Variants in NSD1 observed in about 807,000 individuals in gnomAD.
The protein encoded by NSD1 is histone-lysine N-methyltransferase, H3 lysine-36 specific.
In NSD1, 26 loss-of-function variants were observed where a neutral mutation model predicts 242.7. The ratio of observed to expected loss-of-function variants is 0.11; its 90% CI spans 0.08 to 0.15. The LOEUF (loss-of-function observed/expected upper bound fraction) is 0.15. NSD1 is among the 10% of genes least tolerant of loss of function. The probability of loss-of-function intolerance (pLI) is 1.00; values close to 1 mark genes in which losing one functional copy is unlikely to be tolerated. For missense variants in NSD1, 2,495 were observed against 3,272.8 expected (o/e 0.76, Z 5.80); for synonymous variants, 1,106 against 1,178.1 (o/e 0.94, Z 1.25).
rs1760207336 is a variant in NSD1, at chr5:177,295,582, T to C, written c.*123T>C. On this transcript the variant is annotated 3_prime_UTR_variant, in exon 23 of 23. Coordinates refer to ENST00000439151, the MANE Select transcript of NSD1 (RefSeq NM_022455.5). The surrounding 1 kb of genome is among the most constrained non-coding windows in gnomAD (Gnocchi z 4.3). ...TGCCCCGAACACTTTCCCACTGTTA[T>C]TCTTTCCTCATATCCCAACACTCAG... 4 of 1,016,084 alleles carry C rather than the reference T, an allele frequency of 3.9e-6. No homozygotes were observed. The highest frequency in any genetic ancestry group is 6.0e-6 in the Non-Finnish European group (4 of 664,696). 62.9% of individuals were successfully genotyped at this position (1,016,084 alleles called of 1,614,324 possible). A position where few individuals can be genotyped will look rare whatever the true frequency, so the allele number is the denominator to read the frequency against.
intron 18 of NSD1, 134 bp from the exon 19 acceptor site, chr5:177,282,331 T>C (rs1758956222): frequency 2.6e-6 from 2 of 761,090 alleles, no homozygotes; most frequent in Middle Eastern, 3.7e-4. Context: ...AAAGTAATTA[T>C]GTGTGCCTAA....
In NSD1 at chr5:177,151,868, T is replaced by G. The variant is rs566751538; in HGVS notation, c.927+15838T>G. ...GCCTTCATACCTAGCTAATTTTTTT[T>G]GTTTTGTTTTTTGAGACAGTCTTGC... On this transcript the variant is annotated intron_variant, in intron 2 of 22. Coordinates refer to ENST00000439151, the MANE Select transcript of NSD1 (RefSeq NM_022455.5). 4.0e-5 allele frequency among the ~76,000 whole-genome samples: 6 copies of G among 151,704 alleles called. No individual in the cohort carries two copies. In the East Asian group the frequency reaches 1.2e-3, roughly 30 times the overall value.
chr5:177,298,017 A>G lies in NSD1; in HGVS notation c.*2558A>G, dbSNP rs897104014. 8.6e-6 allele frequency: 2 copies of G among 232,558 alleles called. No homozygotes were observed. Among genetic ancestry groups the G allele is most frequent in the African/African-American group, 4.4e-5 (2 of 45,134 alleles). The allele number at this position is 232,558 out of a possible 1,614,324, so 14.4% of individuals were successfully genotyped here. On this transcript the variant is annotated 3_prime_UTR_variant, in exon 23 of 23. Transcript: ENST00000439151. ...CCACTGGAAACTAGAAATTTGAGCT[A>G]TTGGGCCCACCAGTAGCAGCATGTG... is the stretch of plus-strand genomic sequence containing the variant.
At chr5:177,288,745 T>A (rs1759541852) in intron 20 of NSD1, 74 bp from the exon 21 acceptor site, 1 of 1,047,660 alleles carries the variant, frequency 9.5e-7, no homozygotes, top group South Asian at 1.3e-5. Context: ...TGGGAGTTGG[T>A]ATCCTTTGTA....
chr5:177,262,894 G>A (rs115899590), intron 14 of NSD1, among the ~76,000 whole-genome samples: 3,492 of 152,298 alleles, frequency 0.023, 54 homozygotes, highest in South Asian at 0.054. Flanking sequence ...AGACAAATGC[G>A]TACCTCATTG....
In NSD1 at chr5:177,292,288, A is replaced by G. The variant is rs893690637; in HGVS notation, c.6463+130A>G. 7.0e-5 allele frequency: 61 copies of G among 876,600 alleles called. No homozygotes were observed. The African/African-American group carries it at 7.5e-4, about 11-fold the overall frequency. 54.3% of individuals were successfully genotyped at this position (876,600 alleles called of 1,614,324 possible). A position where few individuals can be genotyped will look rare whatever the true frequency, so the allele number is the denominator to read the frequency against. On this transcript the variant is annotated intron_variant, in intron 22 of 22. Transcript: ENST00000439151. Reference sequence around the variant, plus strand: ...TGCATAATTTTGAGGGGTATGGTCTATTTTCTTATTTTGGAAATAATGAAA... The same window carrying G: ...TGCATAATTTTGAGGGGTATGGTCTGTTTTCTTATTTTGGAAATAATGAAA...
chr5:177,173,291 C>T (rs991796638), intron 2 of NSD1, among the ~76,000 whole-genome samples: 1 of 97,046 alleles, frequency 1.0e-5, no homozygotes, highest in Non-Finnish European at 2.1e-5. Flanking sequence ...GACTCTGTCT[C>T]AAAAAAAAAA....
At chr5:177,268,172 G>C (rs1216995949) in intron 15 of NSD1, among the ~76,000 whole-genome samples, 2 of 151,666 alleles carry the variant, frequency 1.3e-5, no homozygotes, top group Non-Finnish European at 2.9e-5. Context: ...GCAGTGGTGT[G>C]ATCATTGCTC....
At chr5:177,137,603 G>A (rs1299380044) in intron 2 of NSD1, among the ~76,000 whole-genome samples, 1 of 152,006 alleles carries the variant, frequency 6.6e-6, no homozygotes, top group Non-Finnish European at 1.5e-5. Context: ...AAAACCTATT[G>A]GCAGCTCAGA....
chr5:177,212,376 A>G (rs922699964), intron 5 of NSD1, among the ~76,000 whole-genome samples, 181 bp downstream of exon 5: 2 of 152,156 alleles, frequency 1.3e-5, no homozygotes, highest in African/African-American at 4.8e-5. Flanking sequence ...TGAGATTTCC[A>G]TATATATTCA....
intron 2 of NSD1, among the ~76,000 whole-genome samples, chr5:177,159,009 T>TATAAATATGAATG (rs1758482723): frequency 1.0e-5 from 1 of 97,824 alleles, no homozygotes; most frequent in African/African-American, 4.2e-5. Flanking sequence ...TATATATATA[T>TATAAATATGAATG]ATATATATAT....
chr5:177,291,829 A>T (rs995104852), intron 21 of NSD1, 125 bp from the exon 22 acceptor site: 6 of 964,734 alleles, frequency 6.2e-6, no homozygotes, highest in Non-Finnish European at 9.7e-6. Context: ...CCTTTCCTGC[A>T]TTTTATCTTC....
Position 177,210,461 on chromosome 5 carries a change from A to C in NSD1, c.2062A>C (p.Arg688=). ...GAAAAATGAAAAGATAAAGTATTCT[A>C]GGTTTGCTGCCACAAACACTAGGGT... ...MQKNEKIKYS[R]FAATNTRVKA... Residue 688 remains arginine (R), a synonymous_variant, in exon 5 of 23, where the codon AGG becomes CGG. Transcript: ENST00000439151. The C allele has an allele frequency of 6.2e-7, 1 of 1,614,206 alleles. No homozygotes were observed. Among genetic ancestry groups the C allele is most frequent in the Non-Finnish European group, 8.5e-7 (1 of 1,180,026 alleles).
intron 5 of NSD1, among the ~76,000 whole-genome samples, chr5:177,232,287 G>T (rs939640897): frequency 6.6e-6 from 1 of 152,148 alleles, no homozygotes; most frequent in African/African-American, 2.4e-5. Flanking sequence ...AATTCATGTG[G>T]TAGTGCCGAT....
chr5:177,170,295 TC>T (rs1283025679), intron 2 of NSD1, among the ~76,000 whole-genome samples: 1 of 151,882 alleles, frequency 6.6e-6, no homozygotes, highest in Non-Finnish European at 1.5e-5. Context: ...TATTTTTTTT[TC>T]TTTTTTTGGT....
At chr5:177,292,413 C>G (rs1309009930) in intron 22 of NSD1, among the ~76,000 whole-genome samples, 1 of 152,216 alleles carries the variant, frequency 6.6e-6, no homozygotes, top group Non-Finnish European at 1.5e-5. Flanking sequence ...ATTCCCCCAG[C>G]AGCCCATAAT....
intron 5 of NSD1, among the ~76,000 whole-genome samples, chr5:177,228,344 T>C (rs11957608): frequency 0.26 from 38,839 of 150,856 alleles, 6,313 homozygotes; most frequent in East Asian, 0.51. Context: ...TTATGAGCTA[T>C]TAGCTGCAAC....
intron 5 of NSD1, among the ~76,000 whole-genome samples, chr5:177,221,526 C>T (rs1326884731): frequency 1.3e-5 from 2 of 151,814 alleles, no homozygotes; most frequent in Non-Finnish European, 2.9e-5. Flanking sequence ...GGCTGGAGTG[C>T]AGTGGTACAA....
chr5:177,222,701 G>C (rs1182076380), intron 5 of NSD1, among the ~76,000 whole-genome samples: 1 of 151,914 alleles, frequency 6.6e-6, no homozygotes. Flanking sequence ...TTTGCCTTTT[G>C]GTTATTAAGT....
Sources: gnomAD v4.1 joint callset for allele counts (sites outside exome capture counted in the v4.1 genomes callset) on GRCh38, gnomAD v4.1.1 for gene constraint, Gnocchi (gnomAD v3.1) non-coding constraint, MANE v1.5 for transcripts, NCBI Gene and HGNC (gene_info 2026-07-23, HGNC 2026-07-21) for gene names.